The following PRDM16 variants were observed in gnomAD, a reference collection of about 807,000 sequenced individuals.
The protein encoded by PRDM16 is histone-lysine N-methyltransferase PRDM16.
A neutral mutation model predicts 110.6 loss-of-function variants in PRDM16; 23 were observed. The observed-to-expected ratio is 0.21, with a 90% CI of 0.15 to 0.29. The LOEUF (loss-of-function observed/expected upper bound fraction) is 0.29, where lower values mean the gene tolerates loss of function less well. Ranked by LOEUF, PRDM16 falls within the 10% of genes least tolerant of loss-of-function variation. The probability of loss-of-function intolerance (pLI) is 1.00; values close to 1 mark genes in which losing one functional copy is unlikely to be tolerated. For missense variants in PRDM16, 1,615 were observed against 1,794.3 expected, an observed-to-expected ratio of 0.90 and a Z score of 1.81; for synonymous variants, 799 against 781.8, an observed-to-expected ratio of 1.02 and a Z score of -0.37.
intron 1 of PRDM16, among the ~76,000 whole-genome samples, chr1:3,127,294 G>A (rs1045310303): frequency 9.9e-5 from 15 of 152,236 alleles, no homozygotes; most frequent in South Asian, 2.1e-4. Context: ...TAACGGCGGT[G>A]CGCAGGCTTT....
At position 3,418,289 on chromosome 1, in the gene PRDM16, G is replaced by A. The variant is rs1007000709; in HGVS notation, c.2861+292G>A. Among the ~76,000 whole-genome samples, 13 of 152,216 alleles carry A rather than the reference G, an allele frequency of 8.5e-5. 1 individual carries two copies. Among genetic ancestry groups the A allele is most frequent in the East Asian group, 5.8e-4 (3 of 5,188 alleles). On this transcript the variant is annotated intron_variant, in intron 11 of 16. Transcript: ENST00000270722. ...GTGCTGGTCAGTGACTAACCTCAGC[G>A]CTTGGAGGGATGGGAAGCCCAGTGC...
In PRDM16 at chr1:3,080,885, C is replaced by T. The variant is rs971964362; in HGVS notation, c.37+11589C>T. ...TGAGCCCACATGAGTAGCAGAACCC[C>T]GGCCCGAGCACCCAACGCTTCCCGG... On this transcript the variant is annotated intron_variant, in intron 1 of 16. Transcript: ENST00000270722. This position sits in a 1 kb window ranked among gnomAD's most constrained non-coding sequence, Gnocchi z 5.2. Among the ~76,000 whole-genome samples, 2 of 152,082 alleles carry T rather than the reference C, an allele frequency of 1.3e-5. No individual in the cohort carries two copies. The highest frequency in any genetic ancestry group is 1.5e-5 in the Non-Finnish European group (1 of 68,014).
At chr1:3,122,679 C>T (rs181647980) in intron 1 of PRDM16, among the ~76,000 whole-genome samples, 27 of 152,302 alleles carry the variant, frequency 1.8e-4, no homozygotes, top group Admixed American at 1.2e-3. Flanking sequence ...CATTCCCCCC[C>T]TCCGTGCTGC....
At chr1:3,238,955 C>A (rs998363808) in intron 2 of PRDM16, among the ~76,000 whole-genome samples, 3 of 152,206 alleles carry the variant, frequency 2.0e-5, no homozygotes, top group African/African-American at 7.2e-5. Context: ...GTTCCTGCTT[C>A]CCACATGTGG....
rs1569807204 is a variant in PRDM16, at chr1:3,437,848, C to T, written c.*4037C>T. 9.2e-6 allele frequency: 2 copies of T among 217,632 alleles called. No homozygotes were observed. The highest frequency in any genetic ancestry group is 1.8e-5 in the Non-Finnish European group (2 of 108,114). 13.5% of individuals were successfully genotyped at this position (217,632 alleles called of 1,614,324 possible). A position where few individuals can be genotyped will look rare whatever the true frequency, so the allele number is the denominator to read the frequency against. On this transcript the variant is annotated 3_prime_UTR_variant, in exon 17 of 17. Coordinates refer to ENST00000270722, the MANE Select transcript of PRDM16 (RefSeq NM_022114.4). ...ATTCTAACAATTGCCTTCAGCGTCA[C>T]GTGCATTGCCACTGCGCTTTCGGCA...
intron 3 of PRDM16, among the ~76,000 whole-genome samples, chr1:3,336,985 A>C (rs1386965247): frequency 7.5e-6 from 1 of 132,722 alleles, no homozygotes; most frequent in Non-Finnish European, 1.6e-5. Context: ...GTTGGTGTGA[A>C]TCTGTGTGTG....
chr1:3,420,568 C>G (rs1638398812), intron 12 of PRDM16, among the ~76,000 whole-genome samples: 1 of 152,206 alleles, frequency 6.6e-6, no homozygotes, highest in Non-Finnish European at 1.5e-5. Flanking sequence ...CCGTTTAAGT[C>G]CTTGCCTCAG....
intron 1 of PRDM16, among the ~76,000 whole-genome samples, chr1:3,115,007 G>A (rs964136393): frequency 6.6e-6 from 1 of 152,278 alleles, no homozygotes; most frequent in South Asian, 2.1e-4. Context: ...GTGACATCTG[G>A]GTGTAGCCTC....
At position 3,193,686 on chromosome 1, in the gene PRDM16, C is replaced by T. The variant is rs867392; in HGVS notation, c.387+7212C>T. ...GGGAGGAGGTGCAAGCCCCTGCCCC[C>T]CAACAATGTCTGCTGAATGCATAGG... On this transcript the variant is annotated intron_variant, in intron 2 of 16. Transcript: ENST00000270722. Among the ~76,000 whole-genome samples the T allele has an allele frequency of 6.2e-3, 937 of 152,330 alleles. 10 individuals carry two copies. The highest frequency in any genetic ancestry group is 0.022 in the African/African-American group (896 of 41,570).
intron 4 of PRDM16, among the ~76,000 whole-genome samples, chr1:3,391,210 G>A (rs962802425): frequency 1.4e-4 from 22 of 152,230 alleles, no homozygotes; most frequent in African/African-American, 5.1e-4. Context: ...CCCACCATGC[G>A]ACACAGTTTA....
chr1:3,367,406 G>A (rs115177861), intron 3 of PRDM16, among the ~76,000 whole-genome samples: 1 of 152,198 alleles, frequency 6.6e-6, no homozygotes, highest in Non-Finnish European at 1.5e-5. Flanking sequence ...ACTTGGGAGG[G>A]GTCTTGTCTG....
At chr1:3,421,289 C>T (rs1569759319) in intron 12 of PRDM16, among the ~76,000 whole-genome samples, 1 of 152,298 alleles carries the variant, frequency 6.6e-6, no homozygotes, top group East Asian at 1.9e-4. Flanking sequence ...CTGACCTGCC[C>T]ATACTCTGTT....
chr1:3,287,806 TG>T (rs1270445158), intron 3 of PRDM16, among the ~76,000 whole-genome samples: 1 of 115,102 alleles, frequency 8.7e-6, no homozygotes, highest in African/African-American at 3.4e-5. Flanking sequence ...CCCTGCCACG[TG>T]GGCATCCAGG....
intron 3 of PRDM16, among the ~76,000 whole-genome samples, chr1:3,365,954 G>GCACACATGCACACACACGCACA (rs1553168826): frequency 0.022 from 3,289 of 150,426 alleles, 105 homozygotes; most frequent in African/African-American, 0.073. Context: ...GCACACGCAT[G>GCACACATGCACACACACGCACA]CACACATGCA....
At chr1:3,117,236 C>T (rs1195827401) in intron 1 of PRDM16, among the ~76,000 whole-genome samples, 2 of 152,228 alleles carry the variant, frequency 1.3e-5, no homozygotes, top group Admixed American at 6.5e-5. Flanking sequence ...CCCAGGCTTA[C>T]AGGCATTTTA....
chr1:3,432,250 A>G, intron 16 of PRDM16, 110 bp downstream of exon 16: 1 of 919,442 alleles, frequency 1.1e-6, no homozygotes, highest in Non-Finnish European at 1.7e-6. Context: ...AGCTCTGGTC[A>G]CGCAAACGCC....
chr1:3,359,709 A>G lies in PRDM16; in HGVS notation c.439-25443A>G, dbSNP rs953533320. On this transcript the variant is annotated intron_variant, in intron 3 of 16. Transcript: ENST00000270722. The surrounding 1 kb of genome is among the most constrained non-coding windows in gnomAD (Gnocchi z 4.3). ...CAATCTTGACTTCTTTCCCCCTTGG[A>G]AAAAAAGCGTCCTCTGTGTGCCTGA... Among the ~76,000 whole-genome samples the G allele has an allele frequency of 2.0e-5, 3 of 152,248 alleles. No individual in the cohort carries two copies. Among genetic ancestry groups the G allele is most frequent in the South Asian group, 4.1e-4 (2 of 4,828 alleles).
intron 1 of PRDM16, among the ~76,000 whole-genome samples, chr1:3,098,593 A>G (rs1452073787): frequency 1.3e-5 from 2 of 152,206 alleles, no homozygotes. Flanking sequence ...AGGCAAAGCC[A>G]CAGAAAGGAA....
intron 1 of PRDM16, among the ~76,000 whole-genome samples, chr1:3,134,095 T>C (rs1643388574): frequency 6.6e-6 from 1 of 152,120 alleles, no homozygotes; most frequent in African/African-American, 2.4e-5. Flanking sequence ...TTCAGAACCG[T>C]CCAGCTGTGT....
Sources: allele counts gnomAD v4.1 joint callset (sites outside exome capture counted in the v4.1 genomes callset), GRCh38; gene constraint gnomAD v4.1.1; non-coding constraint Gnocchi (gnomAD v3.1); transcripts MANE v1.5; gene names NCBI Gene and HGNC (gene_info 2026-07-23, HGNC 2026-07-21).